DNAAF5: variants seen among roughly 807,000 people sequenced by gnomAD.
DNAAF5 encodes the protein HEAT repeat containing 2.
A neutral mutation model predicts 75.8 loss-of-function variants in DNAAF5; 64 were observed. The observed-to-expected ratio is 0.84, with a 90% confidence interval of 0.69 to 1.04. The LOEUF is 1.04. DNAAF5 is among the 50% of genes least tolerant of loss of function. The pLI is 0.00. For missense variants in DNAAF5, 1,269 were observed against 1,178.5 expected (o/e 1.08, Z -1.12); for synonymous variants, 657 against 557.2 (o/e 1.18, Z -2.52).
intron 2 of DNAAF5, chr7:732,522 A>C (rs1241264520): frequency 2.2e-6 from 1 of 455,986 alleles, no homozygotes; most frequent in East Asian, 6.9e-5. Flanking sequence ...TCTTGTCAAG[A>C]GAGACCTTCC....
rs772896273 is a variant in DNAAF5, at chr7:780,102, C to T, written c.2389C>T (p.His797Tyr). ...VQYLYRELLV[H>Y]LDDPERAIQD... ...GTACCTGTACCGAGAGTTGCTGGTT[C>T]ACCTTGACGATCCAGAGAGGGCCAT... The change falls in exon 12 of 13, where the codon CAC becomes TAC. Residue 797 changes from histidine (H) to tyrosine (Y), a missense_variant. Physicochemically the swap from His to Tyr is moderately conservative, Grantham distance 83. Transcript: ENST00000297440. 9.3e-6 allele frequency: 15 copies of T among 1,614,084 alleles called. No individual in the cohort carries two copies. The highest frequency in any genetic ancestry group is 4.4e-5 in the South Asian group (4 of 91,080).
At chr7:764,326 TG>T (rs1057422313) in intron 8 of DNAAF5, among the ~76,000 whole-genome samples, 3 of 152,340 alleles carry the variant, frequency 2.0e-5, no homozygotes, top group South Asian at 2.1e-4. Context: ...GTGTGTGACA[TG>T]GGGGCCTTAG....
intron 4 of DNAAF5, among the ~76,000 whole-genome samples, chr7:744,754 C>G (rs929902519): frequency 3.9e-5 from 6 of 152,172 alleles, no homozygotes; most frequent in Admixed American, 1.3e-4. Context: ...GGCGATTCCT[C>G]AGGGATCTAG....
intron 8 of DNAAF5, among the ~76,000 whole-genome samples, chr7:766,980 C>T (rs1778321637): frequency 6.6e-6 from 1 of 150,984 alleles, no homozygotes; most frequent in African/African-American, 2.4e-5. Flanking sequence ...TGGCTCACGC[C>T]TGTAATCCCA....
chr7:781,496 C>G (rs2128086891), intron 12 of DNAAF5, among the ~76,000 whole-genome samples: 1 of 152,348 alleles, frequency 6.6e-6, no homozygotes. Context: ...GTGCAGCTCT[C>G]CCCCATAGCT....
intron 8 of DNAAF5, among the ~76,000 whole-genome samples, chr7:770,139 A>ATGGG (rs1778505636): frequency 6.6e-6 from 1 of 151,818 alleles, no homozygotes. Flanking sequence ...TTTAGTGGAG[A>ATGGG]TGGGGTTTCA....
rs1240570698 is a variant in DNAAF5, at chr7:750,721, A to C, written c.1025-3868A>C. The C allele has an allele frequency of 1.3e-5, 2 of 155,786 alleles. 1 individual carries two copies. Among genetic ancestry groups the C allele is most frequent in the East Asian group, 3.8e-4 (2 of 5,206 alleles). 9.7% of individuals were successfully genotyped at this position (155,786 alleles called of 1,614,324 possible). Reference sequence around the variant, plus strand: ...CTTAAACCAGTCCCAGCCTGTGTCCAGGCCTTGCGTACCCCTGCCCAGCAC... The same window carrying C: ...CTTAAACCAGTCCCAGCCTGTGTCCCGGCCTTGCGTACCCCTGCCCAGCAC... On this transcript the variant is annotated intron_variant, in intron 4 of 12. Coordinates refer to ENST00000297440, the MANE Select transcript of DNAAF5 (RefSeq NM_017802.4).
chr7:727,411 C>T (rs1292488964), intron 1 of DNAAF5, 96 bp downstream of exon 1: 8 of 614,988 alleles, frequency 1.3e-5, no homozygotes, highest in Non-Finnish European at 1.8e-5. Context: ...GGCTCGGCCC[C>T]GCCCCCCTCC....
At chr7:729,578 C>T (rs1781495073) in intron 1 of DNAAF5, 85 bp from the exon 2 acceptor site, 1 of 1,324,772 alleles carries the variant, frequency 7.5e-7, no homozygotes, top group Non-Finnish European at 1.0e-6. Flanking sequence ...AACTCATAGG[C>T]AGGCAGCCGT....
chr7:753,045 C>A (rs1338778670), intron 4 of DNAAF5, among the ~76,000 whole-genome samples: 1 of 152,256 alleles, frequency 6.6e-6, no homozygotes, highest in Admixed American at 6.5e-5. Flanking sequence ...CAATTCAAGA[C>A]TGAGCGTACC....
At chr7:740,248 C>T (rs1032466738) in intron 2 of DNAAF5, among the ~76,000 whole-genome samples, 6 of 152,208 alleles carry the variant, frequency 3.9e-5, no homozygotes, top group South Asian at 2.1e-4. Flanking sequence ...TGGTTTCTTC[C>T]GCCTGCATAG....
rs564867836 is a variant in DNAAF5, at chr7:765,253, G to A, written c.1783+1279G>A. Among the ~76,000 whole-genome samples, 16 of 152,342 alleles carry A rather than the reference G, an allele frequency of 1.1e-4. No homozygotes were observed. The Middle Eastern group carries it at 0.01, about 97-fold the overall frequency. On this transcript the variant is annotated intron_variant, in intron 8 of 12. Coordinates refer to ENST00000297440, the MANE Select transcript of DNAAF5 (RefSeq NM_017802.4). ...CCCTCACAGCCGGCCTGTGTGGTGG[G>A]AACTGTGACCCCGTTTCACAGACAA...
rs922695928 is a variant in DNAAF5 at position 759,103 on chromosome 7, C to T, written c.1470+2109C>T. Among the ~76,000 whole-genome samples the T allele has an allele frequency of 3.3e-5, 5 of 152,226 alleles. No homozygotes were observed. The South Asian group carries it at 1.0e-3, about 32-fold the overall frequency. On this transcript the variant is annotated intron_variant, in intron 6 of 12. Coordinates refer to ENST00000297440, the MANE Select transcript of DNAAF5 (RefSeq NM_017802.4). ...CACGCCCCTGTGCTCTTCCCGCGGC[C>T]GGCCGGGCTTTGTGTCATGTCATTT...
chr7:781,163 A>G (rs530625619), intron 12 of DNAAF5, among the ~76,000 whole-genome samples: 290 of 151,664 alleles, frequency 1.9e-3, no homozygotes, highest in Non-Finnish European at 2.5e-3. Flanking sequence ...AACCATCCCC[A>G]CCTCTTCCCC....
intron 8 of DNAAF5, among the ~76,000 whole-genome samples, chr7:765,746 G>T (rs931541359): frequency 6.6e-6 from 1 of 152,196 alleles, no homozygotes; most frequent in Admixed American, 6.5e-5. Context: ...TGTCACCCAG[G>T]CTGGAGTGCA....
chr7:784,355 C>T (rs1350586887), intron 12 of DNAAF5, among the ~76,000 whole-genome samples: 1 of 152,202 alleles, frequency 6.6e-6, no homozygotes, highest in Admixed American at 6.5e-5. Context: ...CCGCTACCCC[C>T]CTCCCTGACT....
chr7:756,811 GT>G lies in DNAAF5; in HGVS notation c.1290del (p.Phe430LeufsTer8), dbSNP rs1562388253. 6.2e-7 allele frequency: 1 copy of G among 1,613,966 alleles called. No homozygotes were observed. The highest frequency in any genetic ancestry group is 1.7e-5 in the Admixed American group (1 of 60,028). ...CTRSAELVGT[F>X]VSPEVFLKLI... ...CCAGATCCGCAGAGCTCGTCGGGAC[GT>G]TTGTCAGCCCTGAGGTGTTTCTGAA... On this transcript the variant is annotated frameshift_variant, in exon 6 of 13. Coordinates refer to ENST00000297440, the MANE Select transcript of DNAAF5 (RefSeq NM_017802.4). LOFTEE classifies it high-confidence loss of function.
At chr7:770,870 G>A (rs1421781959) in intron 9 of DNAAF5, 7 of 434,114 alleles carry the variant, frequency 1.6e-5, no homozygotes, top group South Asian at 1.1e-4. Flanking sequence ...CACTCTGGGT[G>A]AGGGTTCCCC....
intron 6 of DNAAF5, 117 bp downstream of exon 6, chr7:757,111 G>A (rs1782510168): frequency 2.0e-6 from 2 of 1,018,098 alleles, no homozygotes; most frequent in Non-Finnish European, 2.8e-6. Flanking sequence ...GCTGTCGGAA[G>A]CACCCAGCGA....
Sources: allele counts gnomAD v4.1 joint callset (sites outside exome capture counted in the v4.1 genomes callset), GRCh38; gene constraint gnomAD v4.1.1; transcripts MANE v1.5; gene names NCBI Gene and HGNC (gene_info 2026-07-23, HGNC 2026-07-21).